The following GNAL variants were observed in gnomAD, a reference collection of about 807,000 sequenced individuals.
GNAL encodes guanine nucleotide-binding protein G(olf) subunit alpha.
GNAL carries 18 observed loss-of-function variants against 55.1 expected under a neutral mutation model. That is an observed-to-expected ratio of 0.33 (90% CI 0.23 to 0.48). The LOEUF (loss-of-function observed/expected upper bound fraction) is 0.48, where lower values mean the gene tolerates loss of function less well. Among genes scored for constraint, GNAL ranks in the 20% least tolerant of loss-of-function variants. GNAL has a pLI of 0.99. For synonymous variants in GNAL, 253 were observed against 237.0 expected (o/e 1.07, Z -0.62); for missense variants, 412 against 614.1 (o/e 0.67, Z 3.48).
chr18:11,742,761 G>A (rs1198275606), intron 1 of GNAL, among the ~76,000 whole-genome samples: 1 of 152,148 alleles, frequency 6.6e-6, no homozygotes, highest in Non-Finnish European at 1.5e-5. Flanking sequence ...CTCGGATGCC[G>A]CTCCCATGAT....
At chr18:11,838,419 G>A (rs11875788) in intron 5 of GNAL, among the ~76,000 whole-genome samples, 6,530 of 152,188 alleles carry the variant, frequency 0.043, 174 homozygotes, top group African/African-American at 0.074. Context: ...ATGAGGAATC[G>A]CTTTAATGTG....
chr18:11,813,621 C>A (rs1420091307), intron 4 of GNAL, among the ~76,000 whole-genome samples: 2 of 152,162 alleles, frequency 1.3e-5, no homozygotes, highest in Non-Finnish European at 2.9e-5. Context: ...TAGAAAGCCA[C>A]AATAATCAAG....
In GNAL at chr18:11,711,037, G is replaced by A. The variant is rs9951887; in HGVS notation, c.376+21098G>A. 2.8e-3 allele frequency among the ~76,000 whole-genome samples: 426 copies of A among 152,162 alleles called. 5 individuals carry two copies. The highest frequency in any genetic ancestry group is 8.7e-3 in the African/African-American group (361 of 41,518). On this transcript the variant is annotated intron_variant, in intron 1 of 11. Transcript: ENST00000334049. The stretch of plus-strand genomic sequence containing the variant: ...TCTACAGGCGCCTGCCACCGCGCCC[G>A]GCTAATTTTTTGTATTTTTAGTAGA...
rs200734830 is a variant in GNAL at position 11,752,617 on chromosome 18, G to T, written c.377-236G>T. On this transcript the variant is annotated intron_variant, in intron 1 of 11. Transcript: ENST00000334049. The surrounding 1 kb of genome is among the most constrained non-coding windows in gnomAD (Gnocchi z 4.5). Reference sequence around the variant, plus strand: ...GCGCGCGGCGGCTCCCGGCCCCAGCGGAGCGCACAGCCAGGAGCGGCGAGC... The same window carrying T: ...GCGCGCGGCGGCTCCCGGCCCCAGCTGAGCGCACAGCCAGGAGCGGCGAGC... The T allele has an allele frequency of 5.3e-4, 828 of 1,558,390 alleles. 7 individuals carry two copies. The African/African-American group carries it at 0.011, about 20-fold the overall frequency.
At chr18:11,876,503 A>C (rs1013673855) in intron 10 of GNAL, 118 bp from the exon 11 acceptor site, 2 of 720,410 alleles carry the variant, frequency 2.8e-6, no homozygotes, top group African/African-American at 1.8e-5. Flanking sequence ...CTTGCTGTAC[A>C]TGTATTTTAA....
intron 5 of GNAL, among the ~76,000 whole-genome samples, chr18:11,827,861 C>T (rs986091296): frequency 6.6e-6 from 1 of 151,594 alleles, no homozygotes; most frequent in African/African-American, 2.4e-5. Flanking sequence ...GTCCCAGCTA[C>T]TCTGGAGGCT....
chr18:11,715,643 C>T (rs1222846208), intron 1 of GNAL, among the ~76,000 whole-genome samples: 1 of 151,896 alleles, frequency 6.6e-6, no homozygotes, highest in Non-Finnish European at 1.5e-5. Flanking sequence ...TATGGAGAGC[C>T]AGGTGCAGAT....
chr18:11,764,706 C>T (rs2033351490), intron 4 of GNAL, among the ~76,000 whole-genome samples: 2 of 152,046 alleles, frequency 1.3e-5, no homozygotes, highest in African/African-American at 4.8e-5. Context: ...GCCTGGGAGG[C>T]AGAGGTCACA....
rs552037753 is a variant in GNAL at position 11,807,249 on chromosome 18, A to G, written c.625-17669A>G. On this transcript the variant is annotated intron_variant, in intron 4 of 11. Coordinates refer to ENST00000334049, the MANE Select transcript of GNAL (RefSeq NM_182978.4). Reference sequence around the variant, plus strand: ...TCATTCTTTTTACAGCTGCATAGTAATCATTGGATTGTTTTGAGCCCACCT... The same window carrying G: ...TCATTCTTTTTACAGCTGCATAGTAGTCATTGGATTGTTTTGAGCCCACCT... 2.6e-5 allele frequency among the ~76,000 whole-genome samples: 4 copies of G among 152,286 alleles called. No individual in the cohort carries two copies. The South Asian group carries it at 8.3e-4, about 32-fold the overall frequency.
chr18:11,782,976 G>A (rs1459945310), intron 4 of GNAL, among the ~76,000 whole-genome samples: 3 of 152,202 alleles, frequency 2.0e-5, no homozygotes, highest in Admixed American at 6.5e-5. Flanking sequence ...AAGTCACTGA[G>A]GTTATATCCC....
intron 1 of GNAL, among the ~76,000 whole-genome samples, chr18:11,708,966 G>A (rs1018625745): frequency 6.6e-6 from 1 of 152,082 alleles, no homozygotes; most frequent in Non-Finnish European, 1.5e-5. Context: ...AATCCATTTC[G>A]ATTTACTTTT....
At chr18:11,840,054 T>C (rs1403007995) in intron 5 of GNAL, among the ~76,000 whole-genome samples, 2 of 152,194 alleles carry the variant, frequency 1.3e-5, no homozygotes, top group African/African-American at 4.8e-5. Flanking sequence ...CTTGATCACA[T>C]AATAACTAGG....
intron 9 of GNAL, among the ~76,000 whole-genome samples, chr18:11,869,164 G>A (rs2036334482): frequency 6.6e-6 from 1 of 150,956 alleles, no homozygotes; most frequent in Non-Finnish European, 1.5e-5. Context: ...TTTATTTTGA[G>A]ATAGAGTCTC....
intron 4 of GNAL, among the ~76,000 whole-genome samples, chr18:11,755,599 T>C (rs2033028237): frequency 1.3e-5 from 2 of 152,190 alleles, no homozygotes; most frequent in South Asian, 4.1e-4. Flanking sequence ...TAAAAAGCTT[T>C]TATTTTCATC....
At chr18:11,857,531 A>G in intron 5 of GNAL, 1 of 985,512 alleles carries the variant, frequency 1.0e-6, no homozygotes, top group Non-Finnish European at 1.2e-6. Context: ...GAGGAAGCGC[A>G]GGAGTCATGA....
intron 1 of GNAL, among the ~76,000 whole-genome samples, chr18:11,693,053 C>A (rs2031302941): frequency 7.6e-6 from 1 of 132,342 alleles, no homozygotes. Context: ...GAGTTGTCAT[C>A]TCAAGAAACT....
rs1403099767 is a variant in GNAL, at chr18:11,876,584, T to C, written c.1163-37T>C. The stretch of plus-strand genomic sequence containing the variant: ...TTCGTAGAGTTGTATCTTTGTTTCA[T>C]GTTGCTTAAATAAAGTTCCATTTGT... On this transcript the variant is annotated intron_variant, in intron 10 of 11. Coordinates refer to ENST00000334049, the MANE Select transcript of GNAL (RefSeq NM_182978.4). 4.0e-6 allele frequency: 5 copies of C among 1,253,116 alleles called. No individual in the cohort carries two copies. In the African/African-American group the frequency reaches 5.9e-5, roughly 15 times the overall value. 77.6% of individuals were successfully genotyped at this position (1,253,116 alleles called of 1,614,324 possible).
At position 11,876,323 on chromosome 18, in the gene GNAL, T is replaced by C. The variant is rs3892114; in HGVS notation, c.1163-298T>C. Among the ~76,000 whole-genome samples the C allele has an allele frequency of 0.16, 24,334 of 152,056 alleles. 3,122 individuals are homozygous for C. The highest frequency in any genetic ancestry group is 0.35 in the African/African-American group (14,697 of 41,418). ...CCTGTCTCTACAAAAATTAGCCAGT[T>C]GTGATGGCGGGTGCCCGTAATTCCA... On this transcript the variant is annotated intron_variant, in intron 10 of 11. Transcript: ENST00000334049.
At chr18:11,742,290 T>A (rs2143481716) in intron 1 of GNAL, among the ~76,000 whole-genome samples, 1 of 152,384 alleles carries the variant, frequency 6.6e-6, no homozygotes, top group Admixed American at 6.5e-5. Flanking sequence ...GATGTCCACA[T>A]GCTGCCTCAT....
Sources: allele counts gnomAD v4.1 joint callset (sites outside exome capture counted in the v4.1 genomes callset), GRCh38; gene constraint gnomAD v4.1.1; non-coding constraint Gnocchi (gnomAD v3.1); transcripts MANE v1.5; gene names NCBI Gene and HGNC (gene_info 2026-07-23, HGNC 2026-07-21).